KAZN: variants seen among roughly 807,000 people sequenced by gnomAD.
KAZN encodes the protein kazrin.
In KAZN, 40 loss-of-function variants were observed where a neutral mutation model predicts 87.4. That is an observed-to-expected ratio of 0.46 (90% CI 0.36 to 0.60). KAZN has a LOEUF of 0.60. Among genes scored for constraint, KAZN ranks in the 20% least tolerant of loss-of-function variants. KAZN has a pLI of 0.00. For missense variants in KAZN, 898 were observed against 1,073.9 expected, an observed-to-expected ratio of 0.84 and a Z score of 2.29; for synonymous variants, 466 against 458.3, an observed-to-expected ratio of 1.02 and a Z score of -0.22.
At chr1:14,575,485 G>A (rs772143422) in intron 2 of KAZN, among the ~76,000 whole-genome samples, 12 of 152,120 alleles carry the variant, frequency 7.9e-5, no homozygotes, top group Non-Finnish European at 1.3e-4. Context: ...CCATCCCCAT[G>A]ATTCAATTAT....
chr1:14,466,949 A>C (rs1408751869), intron 2 of KAZN, among the ~76,000 whole-genome samples: 4 of 152,224 alleles, frequency 2.6e-5, no homozygotes, highest in African/African-American at 9.6e-5. Context: ...AGCCTGGGCG[A>C]CAGTGCAAGA....
chr1:14,979,516 T>C (rs1666021866), intron 2 of KAZN, among the ~76,000 whole-genome samples: 1 of 152,132 alleles, frequency 6.6e-6, no homozygotes, highest in African/African-American at 2.4e-5. Context: ...CCTGGAGCTA[T>C]GGGTCCCCCT....
intron 2 of KAZN, among the ~76,000 whole-genome samples, chr1:14,408,317 G>C (rs1017301455): frequency 6.6e-6 from 1 of 152,142 alleles, no homozygotes; most frequent in African/African-American, 2.4e-5. Flanking sequence ...GTGGGCATAG[G>C]GGGAGTCCTT....
intron 1 of KAZN, among the ~76,000 whole-genome samples, chr1:14,631,496 G>A: frequency 6.6e-6 from 1 of 152,226 alleles, no homozygotes; most frequent in East Asian, 1.9e-4. Context: ...CACTGCTGGT[G>A]AGTGGTGGTG....
At chr1:14,917,180 G>A (rs1557617859) in intron 1 of KAZN, among the ~76,000 whole-genome samples, 3 of 152,196 alleles carry the variant, frequency 2.0e-5, no homozygotes. Context: ...GCCTCGCCAG[G>A]ACAGATGGCA....
At position 15,066,569 on chromosome 1, in the gene KAZN, G is replaced by GA. The variant is rs1557774949; in HGVS notation, c.1222+823dup. ...CCGTTTCTTTCTTTATGAAAAAAAAGAAAAAAAGAAAATTGTTTCATTTAA... is the reference window on the plus strand; with the variant it reads ...CCGTTTCTTTCTTTATGAAAAAAAAGAAAAAAAAGAAAATTGTTTCATTTAA... On this transcript the variant is annotated intron_variant, in intron 8 of 14. Coordinates refer to ENST00000376030, the MANE Select transcript of KAZN (RefSeq NM_201628.3). This position sits in a 1 kb window ranked among gnomAD's most constrained non-coding sequence, Gnocchi z 4.3. 3 of 984,396 alleles carry GA rather than the reference G, an allele frequency of 3.0e-6. No individual in the cohort carries two copies. The highest frequency in any genetic ancestry group is 3.6e-6 in the Non-Finnish European group (3 of 829,124). 61.0% of individuals were successfully genotyped at this position (984,396 alleles called of 1,614,324 possible).
At chr1:14,884,225 C>T (rs1250595461) in intron 1 of KAZN, among the ~76,000 whole-genome samples, 4 of 152,060 alleles carry the variant, frequency 2.6e-5, no homozygotes, top group African/African-American at 4.8e-5. Context: ...AACCCCGTCT[C>T]TACTAAAAAT....
At chr1:14,669,379 T>G (rs78576424) in intron 1 of KAZN, among the ~76,000 whole-genome samples, 3,361 of 152,258 alleles carry the variant, frequency 0.022, 58 homozygotes, top group Middle Eastern at 0.058. Context: ...CAAGGAACTA[T>G]CTGACCCCAA....
At chr1:14,508,340 G>T (rs1253334969) in intron 2 of KAZN, among the ~76,000 whole-genome samples, 2 of 152,090 alleles carry the variant, frequency 1.3e-5, no homozygotes, top group Admixed American at 6.6e-5. Context: ...CTGTGCAACA[G>T]ATTACCCCCA....
chr1:14,558,219 C>G (rs1223744240), intron 2 of KAZN, among the ~76,000 whole-genome samples: 2 of 152,190 alleles, frequency 1.3e-5, no homozygotes, highest in African/African-American at 4.8e-5. Context: ...CAGTAATGAT[C>G]CCACAACAGC....
intron 2 of KAZN, among the ~76,000 whole-genome samples, chr1:14,205,376 G>C (rs566506982): frequency 6.6e-6 from 1 of 152,248 alleles, no homozygotes; most frequent in South Asian, 2.1e-4. Flanking sequence ...CAGCAGAAGA[G>C]GAAGCTGTGA....
chr1:15,030,915 C>T (rs1042525846), intron 2 of KAZN, among the ~76,000 whole-genome samples: 5 of 152,366 alleles, frequency 3.3e-5, no homozygotes, highest in African/African-American at 9.6e-5. Context: ...GTCCCCACTG[C>T]GTGGGCCTCC....
At chr1:14,945,522 A>C (rs555292609) in intron 1 of KAZN, among the ~76,000 whole-genome samples, 1 of 152,104 alleles carries the variant, frequency 6.6e-6, no homozygotes, top group African/African-American at 2.4e-5. Context: ...ACTGGCGGCC[A>C]GTCTGTCCTC....
chr1:14,478,249 A>AGAAGGAAGGAAG lies in KAZN; in HGVS notation c.250-120721_250-120710dup, dbSNP rs141017159. On this transcript the variant is annotated intron_variant, in intron 2 of 16. Transcript: ENST00000636203. ...AGAAGGAAGGAAGGAAGGAAGGAAAAGAAGGAAGGAAGGAAGGAAGGAAGA... is the reference window on the plus strand; with the variant it reads ...AGAAGGAAGGAAGGAAGGAAGGAAAAGAAGGAAGGAAGGAAGGAAGGAAGGAAGGAAGGAAGA... Among the ~76,000 whole-genome samples, 402 of 101,502 alleles carry AGAAGGAAGGAAG rather than the reference A, an allele frequency of 4.0e-3. 2 individuals carry two copies. Among genetic ancestry groups the AGAAGGAAGGAAG allele is most frequent in the East Asian group, 0.016 (46 of 2,854 alleles). The allele number at this position is 101,502 out of a possible 152,430, so 66.6% of individuals were successfully genotyped here.
At chr1:14,349,644 ATTTGAG>A (rs1419937727) in intron 2 of KAZN, among the ~76,000 whole-genome samples, 1 of 152,118 alleles carries the variant, frequency 6.6e-6, no homozygotes, top group East Asian at 1.9e-4. Context: ...CCCTATAGAC[ATTTGAG>A]TTTGAGACCC....
chr1:14,378,574 T>C (rs974900911), intron 2 of KAZN, among the ~76,000 whole-genome samples: 3 of 152,196 alleles, frequency 2.0e-5, no homozygotes, highest in Non-Finnish European at 4.4e-5. Context: ...ATCTGAGTCC[T>C]TATGAGAGGG....
chr1:14,943,569 C>A (rs1661393595), intron 1 of KAZN, among the ~76,000 whole-genome samples: 1 of 152,158 alleles, frequency 6.6e-6, no homozygotes, highest in African/African-American at 2.4e-5. Context: ...TGCCGTGTGC[C>A]CAGCAATGTT....
At chr1:14,620,636 G>T (rs1346663891) in intron 1 of KAZN, among the ~76,000 whole-genome samples, 3 of 152,150 alleles carry the variant, frequency 2.0e-5, no homozygotes, top group Non-Finnish European at 2.9e-5. Flanking sequence ...CAAGAAGTTT[G>T]TAGGGTGGCA....
intron 8 of KAZN, among the ~76,000 whole-genome samples, chr1:15,091,414 G>T (rs940915840): frequency 1.3e-5 from 2 of 152,088 alleles, no homozygotes; most frequent in Non-Finnish European, 2.9e-5. Flanking sequence ...GCACAATCTC[G>T]ACTTACTGCA....
Sources: gnomAD v4.1 joint callset for allele counts (sites outside exome capture counted in the v4.1 genomes callset) on GRCh38, gnomAD v4.1.1 for gene constraint, Gnocchi (gnomAD v3.1) non-coding constraint, MANE v1.5 for transcripts, NCBI Gene and HGNC (gene_info 2026-07-23, HGNC 2026-07-21) for gene names.